DIXDC1: variants seen among roughly 807,000 people sequenced by gnomAD.
The protein encoded by DIXDC1 is DIX domain containing 1.
In DIXDC1, 64 loss-of-function variants were observed where a neutral mutation model predicts 103.1. The observed-to-expected ratio is 0.62, with a 90% confidence interval of 0.51 to 0.76. The LOEUF (loss-of-function observed/expected upper bound fraction) is 0.76, where lower values mean the gene tolerates loss of function less well. DIXDC1 is among the 30% of genes least tolerant of loss of function. DIXDC1 has a pLI of 0.00. For missense variants in DIXDC1, 759 were observed against 834.2 expected (o/e 0.91, Z 1.11); for synonymous variants, 266 against 298.5 (o/e 0.89, Z 1.12).
At chr11:111,990,179 CTCCTGGGT>C (rs782155698) in intron 10 of DIXDC1, among the ~76,000 whole-genome samples, 58 of 151,364 alleles carry the variant, frequency 3.8e-4, no homozygotes, top group Middle Eastern at 3.4e-3. Context: ...CAATCTCCGC[CTCCTGGGT>C]TCAAGCGATT....
At chr11:111,995,167 C>A in intron 15 of DIXDC1, 59 bp downstream of exon 15, 2 of 1,557,054 alleles carry the variant, frequency 1.3e-6, no homozygotes, top group Non-Finnish European at 1.8e-6. Flanking sequence ...AGAAGAGTGC[C>A]AAAGCCATGG....
At chr11:111,981,667 T>C (rs1355157959) in intron 6 of DIXDC1, among the ~76,000 whole-genome samples, 2 of 152,222 alleles carry the variant, frequency 1.3e-5, no homozygotes, top group African/African-American at 4.8e-5. Flanking sequence ...GGTTATTATA[T>C]TCGTCTCTTG....
In DIXDC1 at chr11:111,975,451, G is replaced by A. The variant is rs1000303941; in HGVS notation, c.656+468G>A. The A allele has an allele frequency of 2.3e-5, 23 of 1,006,406 alleles. No homozygotes were observed. The African/African-American group carries it at 3.8e-4, about 17-fold the overall frequency. 62.3% of individuals were successfully genotyped at this position (1,006,406 alleles called of 1,614,324 possible). On this transcript the variant is annotated intron_variant, in intron 5 of 19. Coordinates refer to ENST00000440460, the MANE Select transcript of DIXDC1 (RefSeq NM_001037954.4). Reference sequence around the variant, plus strand: ...GAATGTTTCCAACTTTCCTCTACAGGAACTGTGGCTGATTAGTATGTGTTT... The same window carrying A: ...GAATGTTTCCAACTTTCCTCTACAGAAACTGTGGCTGATTAGTATGTGTTT...
chr11:112,000,191 C>T (rs1250672825), intron 17 of DIXDC1, among the ~76,000 whole-genome samples: 2 of 151,816 alleles, frequency 1.3e-5, no homozygotes, highest in Admixed American at 6.6e-5. Context: ...AATTGGACTT[C>T]ATCAAAATTA....
At chr11:112,015,776 T>C (rs1191537638) in intron 17 of DIXDC1, among the ~76,000 whole-genome samples, 2 of 131,172 alleles carry the variant, frequency 1.5e-5, no homozygotes, top group African/African-American at 2.8e-5. Flanking sequence ...CACTCCAGCC[T>C]GGGCGACAGA....
chr11:111,964,489 T>G (rs1859664637), intron 1 of DIXDC1, 60 bp from the exon 2 acceptor site: 2 of 1,545,910 alleles, frequency 1.3e-6, no homozygotes, highest in Non-Finnish European at 1.7e-6. Flanking sequence ...TCAGAGGGTA[T>G]GAGGTAAGGG....
intron 16 of DIXDC1, 120 bp from the exon 17 acceptor site, chr11:111,995,960 A>G: frequency 2.4e-6 from 2 of 846,666 alleles, no homozygotes; most frequent in South Asian, 1.5e-5. Flanking sequence ...TAGATTTTAT[A>G]TGTTGTGGAA....
intron 17 of DIXDC1, among the ~76,000 whole-genome samples, chr11:112,015,038 CCA>C (rs1317199459): frequency 6.6e-6 from 1 of 152,102 alleles, no homozygotes; most frequent in Non-Finnish European, 1.5e-5. Context: ...GCACATGCCA[CCA>C]CGCCTGGCTA....
In DIXDC1 at chr11:112,016,702, T is replaced by G; in HGVS notation, c.1768T>G (p.Ser590Ala). The G allele has an allele frequency of 6.2e-7, 1 of 1,602,260 alleles. No homozygotes were observed. The highest frequency in any genetic ancestry group is 8.5e-7 in the Non-Finnish European group (1 of 1,174,474). ...SWPPNSKLPHSQSSPTVSSTC... is the reference protein window; with the variant it reads ...SWPPNSKLPHAQSSPTVSSTC... ...CTTTCTGATTGTAGAGTTGCCTCACTCACAGAGCTCTCCAACTGTCAGCAG... is the reference window on the plus strand; with the variant it reads ...CTTTCTGATTGTAGAGTTGCCTCACGCACAGAGCTCTCCAACTGTCAGCAG... Residue 590 changes from serine to alanine, a missense_variant, in exon 18 of 20, where the codon TCA (serine) becomes GCA (alanine). Coordinates refer to ENST00000440460, the MANE Select transcript of DIXDC1 (RefSeq NM_001037954.4).
At chr11:111,983,264 T>G (rs781900438) in intron 7 of DIXDC1, among the ~76,000 whole-genome samples, 3 of 152,192 alleles carry the variant, frequency 2.0e-5, no homozygotes, top group Non-Finnish European at 4.4e-5. Flanking sequence ...ACATTATGTG[T>G]GTGGCTCTGG....
At chr11:111,999,156 C>A (rs1555175724) in intron 17 of DIXDC1, among the ~76,000 whole-genome samples, 1 of 152,200 alleles carries the variant, frequency 6.6e-6, no homozygotes, top group African/African-American at 2.4e-5. Flanking sequence ...GTTTCTCATT[C>A]CCCTCTGGCT....
chr11:111,964,643 A>G lies in DIXDC1; in HGVS notation c.155A>G (p.Asp52Gly). 1.2e-6 allele frequency: 2 copies of G among 1,612,472 alleles called. No individual in the cohort carries two copies. Among genetic ancestry groups the G allele is most frequent in the Non-Finnish European group, 1.7e-6 (2 of 1,179,356 alleles). ...CAGGACCTGCGACAAGATCTCCGGG[A>G]TGGGGTGATCCTGGCATATCTCATC... ...PVQDLRQDLRDGVILAYLIEI... is the reference protein window; with the variant it reads ...PVQDLRQDLRGGVILAYLIEI... Residue 52 changes from aspartate to glycine, a missense_variant, in exon 2 of 20, where the codon GAT (aspartate) becomes GGT (glycine). Transcript: ENST00000440460.
At chr11:112,011,808 G>C (rs113357296) in intron 17 of DIXDC1, among the ~76,000 whole-genome samples, 91 of 152,004 alleles carry the variant, frequency 6.0e-4, no homozygotes, top group African/African-American at 1.9e-3. Context: ...TGTCGTGGAG[G>C]GGGGGACGGG....
chr11:112,011,995 G>T (rs1303334618), intron 17 of DIXDC1, among the ~76,000 whole-genome samples: 1 of 152,014 alleles, frequency 6.6e-6, no homozygotes, highest in Non-Finnish European at 1.5e-5. Context: ...GAAAATCTTA[G>T]GTATAAACTT....
At chr11:112,004,161 A>AAT (rs1369370112) in intron 17 of DIXDC1, among the ~76,000 whole-genome samples, 5 of 151,588 alleles carry the variant, frequency 3.3e-5, no homozygotes, top group African/African-American at 1.2e-4. Flanking sequence ...GTAACCTAAA[A>AAT]ATACGTAGAA....
chr11:111,978,077 AAATT>A (rs1232672942), intron 5 of DIXDC1, among the ~76,000 whole-genome samples: 1 of 152,150 alleles, frequency 6.6e-6, no homozygotes, highest in African/African-American at 2.4e-5. Context: ...CCGTTTAAAA[AAATT>A]AATTTGAGTG....
chr11:111,961,573 C>T (rs1288893721), intron 1 of DIXDC1, among the ~76,000 whole-genome samples: 3 of 152,178 alleles, frequency 2.0e-5, no homozygotes, highest in Non-Finnish European at 4.4e-5. Flanking sequence ...GTGGAATCCT[C>T]TTTTGTTGGA....
rs1861173745 is a variant in DIXDC1, at chr11:112,004,506, G to C, written c.1756+8360G>C. On this transcript the variant is annotated intron_variant, in intron 17 of 19. Coordinates refer to ENST00000440460, the MANE Select transcript of DIXDC1 (RefSeq NM_001037954.4). ...TCTTGGACTCAGATTGTAAGAGGTC[G>C]CCTACCACTGGGGGAGGGACAGGAT... Among the ~76,000 whole-genome samples the C allele has an allele frequency of 3.3e-5, 5 of 152,158 alleles. No individual in the cohort carries two copies. The South Asian group carries it at 1.0e-3, about 32-fold the overall frequency.
At chr11:111,937,127 C>CGGGGGGGGGGGGGGGG (rs200146124), upstream of DIXDC1, 4 of 502,584 alleles carry the variant, frequency 8.0e-6, 1 homozygote, top group Admixed American at 1.5e-4. Context: ...TGCTGCGGCC[C>CGGGGGGGGGGGGGGGG]GGGCGGGGGG....
Sources: allele counts gnomAD v4.1 joint callset (sites outside exome capture counted in the v4.1 genomes callset), GRCh38; gene constraint gnomAD v4.1.1; transcripts MANE v1.5; gene names NCBI Gene and HGNC (gene_info 2026-07-23, HGNC 2026-07-21).